Variants in AGBL4 observed in about 807,000 individuals in gnomAD.
AGBL4 encodes cytosolic carboxypeptidase 6.
In AGBL4, 58 loss-of-function variants were observed where a neutral mutation model predicts 66.4. The ratio of observed to expected loss-of-function variants is 0.87; its 90% CI spans 0.71 to 1.09. The LOEUF (loss-of-function observed/expected upper bound fraction) is 1.09, where lower values mean the gene tolerates loss of function less well. Among genes scored for constraint, AGBL4 ranks in the 50% least tolerant of loss-of-function variants. AGBL4 has a pLI of 0.00. For missense variants in AGBL4, 579 were observed against 631.0 expected (o/e 0.92, Z 0.88); for synonymous variants, 234 against 222.9 (o/e 1.05, Z -0.44).
At position 49,851,518 on chromosome 1, in the gene AGBL4, C is replaced by T; in HGVS notation, c.35G>A (p.Gly12Asp). The change falls in exon 2 of 14, where the codon GGC (glycine) becomes GAC (aspartate). Residue 12 changes from glycine to aspartate, a missense_variant and splice_region_variant. Gly to Asp is a moderately conservative substitution (Grantham distance 94, BLOSUM62 -1). Transcript: ENST00000371839. ...GGCATCATCATTTCCCATATCATTG[C>T]CTATTTAAAAAAATTGAAATAAAAG... Reference protein sequence around the residue: ...AEGSQSAPEAGNDMGNDDAIG... With the variant: ...AEGSQSAPEADNDMGNDDAIG... 1 of 1,542,508 alleles carries T rather than the reference C, an allele frequency of 6.5e-7. No homozygotes were observed. The highest frequency in any genetic ancestry group is 2.5e-5 in the East Asian group (1 of 40,722).
chr1:49,591,709 A>G (rs1349778325), intron 3 of AGBL4, among the ~76,000 whole-genome samples: 1 of 152,188 alleles, frequency 6.6e-6, no homozygotes, highest in Non-Finnish European at 1.5e-5. Flanking sequence ...TACTGAAACC[A>G]AAACAGCATA....
At chr1:49,336,216 C>G (rs1645434722) in intron 3 of AGBL4, among the ~76,000 whole-genome samples, 1 of 151,876 alleles carries the variant, frequency 6.6e-6, no homozygotes, top group African/African-American at 2.4e-5. Context: ...ACCAAAGCCC[C>G]CCCTGAGAAT....
chr1:49,092,972 C>T (rs916545095), intron 4 of AGBL4, among the ~76,000 whole-genome samples: 1 of 152,074 alleles, frequency 6.6e-6, no homozygotes, highest in African/African-American at 2.4e-5. Context: ...CATTTTCCTT[C>T]TTTTATTTCA....
At chr1:49,439,207 G>T (rs1645971157) in intron 3 of AGBL4, among the ~76,000 whole-genome samples, 1 of 152,174 alleles carries the variant, frequency 6.6e-6, no homozygotes, top group Non-Finnish European at 1.5e-5. Flanking sequence ...AAGAAAGCAA[G>T]GAAAGGCCAA....
At chr1:49,185,667 A>G (rs1038746405) in intron 4 of AGBL4, among the ~76,000 whole-genome samples, 1 of 152,150 alleles carries the variant, frequency 6.6e-6, no homozygotes, top group Non-Finnish European at 1.5e-5. Context: ...ACACGAAGGA[A>G]GTTCTTGCTA....
chr1:49,841,894 C>A, intron 2 of AGBL4: 1 of 628,528 alleles, frequency 1.6e-6, no homozygotes, highest in Non-Finnish European at 2.9e-6. Context: ...GGGCATGACC[C>A]CTGGGCTGCC....
At chr1:49,485,841 A>C (rs1471198487) in intron 3 of AGBL4, among the ~76,000 whole-genome samples, 1 of 151,886 alleles carries the variant, frequency 6.6e-6, no homozygotes, top group East Asian at 1.9e-4. Flanking sequence ...GGAGGGTTGC[A>C]GGGGATGTAG....
chr1:48,685,038 CTG>C (rs1203984076), intron 6 of AGBL4, among the ~76,000 whole-genome samples: 1 of 152,160 alleles, frequency 6.6e-6, no homozygotes, highest in African/African-American at 2.4e-5. Context: ...AGCAGACACT[CTG>C]GAGATATAGG....
intron 2 of AGBL4, among the ~76,000 whole-genome samples, chr1:49,835,096 T>A (rs1203504360): frequency 6.6e-6 from 1 of 152,186 alleles, no homozygotes; most frequent in East Asian, 1.9e-4. Flanking sequence ...GTCCACTTGG[T>A]CAAGAGCTGA....
Position 48,707,507 on chromosome 1 carries a change from C to A in AGBL4, c.635-44266G>T, listed in dbSNP as rs150378560. Among the ~76,000 whole-genome samples, 1,067 of 152,294 alleles carry A rather than the reference C, an allele frequency of 7.0e-3. 18 individuals are homozygous for A. Among genetic ancestry groups the A allele is most frequent in the African/African-American group, 0.024 (997 of 41,550 alleles). Reference sequence around the variant, plus strand: ...GCTAATCAACACATGCCTTGGGCATCATTTTCCAGAAAGAATTTCTGGGCT... The same window carrying A: ...GCTAATCAACACATGCCTTGGGCATAATTTTCCAGAAAGAATTTCTGGGCT... On this transcript the variant is annotated intron_variant, in intron 6 of 13. Coordinates refer to ENST00000371839, the MANE Select transcript of AGBL4 (RefSeq NM_032785.4).
At chr1:49,981,705 A>G (rs994825141) in intron 1 of AGBL4, among the ~76,000 whole-genome samples, 1 of 152,176 alleles carries the variant, frequency 6.6e-6, no homozygotes, top group African/African-American at 2.4e-5. Context: ...TAATAATCGC[A>G]TTAACTTTAC....
At chr1:49,643,505 A>T (rs992886233) in intron 3 of AGBL4, among the ~76,000 whole-genome samples, 1 of 151,634 alleles carries the variant, frequency 6.6e-6, no homozygotes, top group African/African-American at 2.4e-5. Flanking sequence ...CCAACCACAA[A>T]AAAAACAGAA....
intron 3 of AGBL4, among the ~76,000 whole-genome samples, chr1:49,267,873 A>G (rs1239259047): frequency 6.6e-6 from 1 of 152,074 alleles, no homozygotes; most frequent in East Asian, 1.9e-4. Flanking sequence ...AGATCTCATG[A>G]GATGTATTCA....
chr1:49,947,984 AT>A (rs1655433526), intron 1 of AGBL4, among the ~76,000 whole-genome samples: 2 of 101,844 alleles, frequency 2.0e-5, no homozygotes, highest in Non-Finnish European at 3.5e-5. Context: ...TTATAAATAT[AT>A]ATTTATATAT....
chr1:49,082,357 T>C (rs188462523), intron 4 of AGBL4, among the ~76,000 whole-genome samples: 10 of 152,268 alleles, frequency 6.6e-5, no homozygotes, highest in African/African-American at 2.2e-4. Context: ...AATAAAGACA[T>C]ACCCAAGACT....
At chr1:48,964,678 T>A (rs1393177927) in intron 5 of AGBL4, among the ~76,000 whole-genome samples, 1 of 152,202 alleles carries the variant, frequency 6.6e-6, no homozygotes, top group Non-Finnish European at 1.5e-5. Flanking sequence ...AAAGCCATTT[T>A]ATTATTATGT....
chr1:49,591,259 G>C (rs1339130174), intron 3 of AGBL4, among the ~76,000 whole-genome samples: 1 of 151,466 alleles, frequency 6.6e-6, no homozygotes, highest in Non-Finnish European at 1.5e-5. Flanking sequence ...AAAATTGACA[G>C]ATCTTTAAGG....
At chr1:49,855,544 A>G (rs1257504138) in intron 1 of AGBL4, among the ~76,000 whole-genome samples, 2 of 152,202 alleles carry the variant, frequency 1.3e-5, no homozygotes, top group Admixed American at 6.5e-5. Flanking sequence ...TCAAAATCAT[A>G]TCAAATATCT....
chr1:50,016,396 A>C (rs1293514326), intron 1 of AGBL4, among the ~76,000 whole-genome samples: 1 of 152,052 alleles, frequency 6.6e-6, no homozygotes, highest in African/African-American at 2.4e-5. Flanking sequence ...ACCCACCTCT[A>C]CTAAAAAACA....
Sources: gnomAD v4.1 joint callset for allele counts (sites outside exome capture counted in the v4.1 genomes callset) on GRCh38, gnomAD v4.1.1 for gene constraint, MANE v1.5 for transcripts, NCBI Gene and HGNC (gene_info 2026-07-23, HGNC 2026-07-21) for gene names.